The following NLRP1 variants were observed in gnomAD, a reference collection of about 807,000 sequenced individuals.
NLRP1 encodes NLR family pyrin domain containing 1, also known as NACHT, LRR and PYD domains-containing protein 1.
NLRP1 carries 94 observed loss-of-function variants against 136.7 expected under a neutral mutation model. The ratio of observed to expected loss-of-function variants is 0.69; its 90% CI spans 0.58 to 0.82. The LOEUF is 0.82. Among genes scored for constraint, NLRP1 ranks in the 40% least tolerant of loss-of-function variants. NLRP1 has a pLI of 0.00. For synonymous variants in NLRP1, 690 were observed against 725.1 expected (o/e 0.95, Z 0.78); for missense variants, 1,575 against 1,802.7 (o/e 0.87, Z 2.29).
downstream of NLRP1, among the ~76,000 whole-genome samples, chr17:5,511,315 C>T (rs1033035955): frequency 2.0e-5 from 3 of 151,812 alleles, no homozygotes; most frequent in African/African-American, 7.3e-5. Context: ...GCCTGTAATC[C>T]CAGCTACTCG....
chr17:5,532,771 G>A (rs1395755097), intron 11 of NLRP1, 51 bp downstream of exon 11: 1 of 1,506,520 alleles, frequency 6.6e-7, no homozygotes, highest in Non-Finnish European at 8.9e-7. Flanking sequence ...CCCAGGATGG[G>A]CAGTGGGGTG....
At chr17:5,502,910 TGGAATATAA>T (rs1276975343) in intron 15 of NLRP1, 2 of 148,148 alleles carry the variant, frequency 1.3e-5, no homozygotes, top group Non-Finnish European at 1.5e-5. Context: ...GTGTCAAGGG[TGGAATATAA>T]GGTGTGTAAG....
intron 10 of NLRP1, 36 bp from the exon 11 acceptor site, chr17:5,533,020 C>T (rs966509153): frequency 1.3e-6 from 2 of 1,582,560 alleles, no homozygotes; most frequent in Non-Finnish European, 1.7e-6. Context: ...TCCAGATTCT[C>T]CCGCCTGGCC....
chr17:5,579,005 G>T (rs902174976), intron 3 of NLRP1, among the ~76,000 whole-genome samples: 1 of 152,004 alleles, frequency 6.6e-6, no homozygotes, highest in Non-Finnish European at 1.5e-5. Flanking sequence ...GCAAACTATC[G>T]CAGGGACAAA....
Position 5,520,809 on chromosome 17 carries a change from C to A in NLRP1, c.3915+72G>T, listed in dbSNP as rs12946467. On this transcript the variant is annotated intron_variant, in intron 14 of 16. Transcript: ENST00000572272. Reference sequence around the variant, plus strand: ...TCCTGTCCCTGAGAAAGCCCTGAGACCTGCCCCACAGGCATTCATTCCCAG... The same window carrying A: ...TCCTGTCCCTGAGAAAGCCCTGAGAACTGCCCCACAGGCATTCATTCCCAG... 9 of 1,376,088 alleles carry A rather than the reference C, an allele frequency of 6.5e-6. No homozygotes were observed. The East Asian group carries it at 7.4e-5, about 11-fold the overall frequency. The allele number at this position is 1,376,088 out of a possible 1,614,324, so 85.2% of individuals were successfully genotyped here.
At chr17:5,564,886 C>T (rs1017595520) in intron 3 of NLRP1, among the ~76,000 whole-genome samples, 4 of 151,840 alleles carry the variant, frequency 2.6e-5, no homozygotes, top group African/African-American at 7.3e-5. Context: ...TACAGGTGCC[C>T]GCCACTGCAC....
intron 12 of NLRP1, among the ~76,000 whole-genome samples, chr17:5,527,414 G>C (rs1478316612): frequency 7.9e-5 from 12 of 152,292 alleles, no homozygotes; most frequent in Non-Finnish European, 1.5e-4. Flanking sequence ...CTGGCCACAA[G>C]GTGAGGCTCA....
downstream of NLRP1, chr17:5,512,003 A>G (rs866947314): frequency 1.9e-4 from 106 of 549,244 alleles, 1 homozygote; most frequent in Middle Eastern, 2.9e-3. Flanking sequence ...TTAGAAAGTA[A>G]CAATGAGGTG....
intron 4 of NLRP1, among the ~76,000 whole-genome samples, chr17:5,554,209 T>C (rs1913751535): frequency 6.6e-6 from 1 of 152,160 alleles, no homozygotes; most frequent in African/African-American, 2.4e-5. Context: ...GAGGGATGGC[T>C]GTGGGGAGTG....
chr17:5,510,613 C>G (rs1053545754), downstream of NLRP1, among the ~76,000 whole-genome samples: 6 of 151,886 alleles, frequency 4.0e-5, no homozygotes, highest in African/African-American at 1.5e-4. Context: ...GTGATCCGTC[C>G]GCCTTGACAT....
chr17:5,501,852 A>C (rs775032614), exon 16 of NLRP1: 1 of 1,613,880 alleles, frequency 6.2e-7, no homozygotes, highest in South Asian at 1.1e-5. Flanking sequence ...CTGAGGTTCC[A>C]CGGCTGGCTG....
At chr17:5,574,539 G>C (rs1343075905) in intron 3 of NLRP1, among the ~76,000 whole-genome samples, 1 of 152,064 alleles carries the variant, frequency 6.6e-6, no homozygotes, top group African/African-American at 2.4e-5. Flanking sequence ...AGGAAAAAAT[G>C]TTAAGGGCAG....
intron 2 of NLRP1, 50 bp downstream of exon 2, chr17:5,582,620 C>A (rs1263144561): frequency 3.2e-6 from 5 of 1,579,472 alleles, no homozygotes; most frequent in Non-Finnish European, 4.3e-6. Context: ...GGCCCACCAG[C>A]TGATTCACAG....
chr17:5,579,152 C>A (rs1905313481), intron 3 of NLRP1, among the ~76,000 whole-genome samples: 1 of 151,726 alleles, frequency 6.6e-6, no homozygotes, highest in African/African-American at 2.4e-5. Flanking sequence ...AGGAGATATA[C>A]CTAATGTAAA....
At chr17:5,539,632 G>A (rs199772912) in intron 6 of NLRP1, 47 bp from the exon 7 acceptor site, 24 of 1,502,526 alleles carry the variant, frequency 1.6e-5, no homozygotes, top group African/African-American at 8.4e-5. Context: ...CTAAGGGCTC[G>A]CTCTTCAGGG....
At chr17:5,561,757 T>C (rs1914784477) in intron 3 of NLRP1, among the ~76,000 whole-genome samples, 1 of 152,216 alleles carries the variant, frequency 6.6e-6, no homozygotes, top group South Asian at 2.1e-4. Flanking sequence ...GTGGTTTTTA[T>C]ACTTGCCATG....
At position 5,515,535 on chromosome 17, in the gene NLRP1, T is replaced by C; in HGVS notation, c.4058-18A>G. ...GAGATCTCCTGGAGGAAAACAGAGA[T>C]GAAGATGCATCTGAAACAGTGCTAA... On this transcript the variant is annotated intron_variant, in intron 15 of 16. Transcript: ENST00000572272. 6.2e-7 allele frequency: 1 copy of C among 1,604,094 alleles called. No individual in the cohort carries two copies. Among genetic ancestry groups the C allele is most frequent in the Admixed American group, 1.7e-5 (1 of 59,998 alleles).
At position 5,542,008 on chromosome 17, in the gene NLRP1, T is replaced by C. The variant is rs750592708; in HGVS notation, c.2548A>G (p.Thr850Ala). Residue 850 changes from threonine to alanine, a missense_variant, in exon 6 of 17, where the codon ACA becomes GCA. Coordinates refer to ENST00000572272, the MANE Select transcript of NLRP1 (RefSeq NM_033004.4). ...ETLRLAGCGL[T>A]AEDCKDLAFG... ...GCAAGGTCCTTGCAGTCCTCAGCTG[T>C]GAGGCCACAGCCAGCCAACCTGTGG... 2.5e-6 allele frequency: 4 copies of C among 1,613,674 alleles called. No homozygotes were observed. In the Admixed American group the frequency reaches 6.7e-5, roughly 27 times the overall value.
chr17:5,581,847 G>A lies in NLRP1; in HGVS notation c.652+12C>T, dbSNP rs1240051624. On this transcript the variant is annotated intron_variant, in intron 3 of 16. Coordinates refer to ENST00000572272, the MANE Select transcript of NLRP1 (RefSeq NM_033004.4). ...ACCTCACCACCCCGCCAGGAGCTCA[G>A]TAGGGTCTCACCTGTGTAGTAAATT... 2 of 1,607,808 alleles carry A rather than the reference G, an allele frequency of 1.2e-6. No homozygotes were observed. Among genetic ancestry groups the A allele is most frequent in the Admixed American group, 1.7e-5 (1 of 60,016 alleles).
Sources: gnomAD v4.1 joint callset for allele counts (sites outside exome capture counted in the v4.1 genomes callset) on GRCh38, gnomAD v4.1.1 for gene constraint, MANE v1.5 for transcripts, NCBI Gene and HGNC (gene_info 2026-07-23, HGNC 2026-07-21) for gene names.